The following PRKAR2B variants were observed in gnomAD, a reference collection of about 807,000 sequenced individuals.
PRKAR2B encodes the protein protein kinase cAMP-dependent type II regulatory subunit beta, also known as cAMP-dependent protein kinase type II-beta regulatory subunit.
Under a neutral mutation model 49.9 loss-of-function variants are expected in PRKAR2B, and 14 were observed. The ratio of observed to expected loss-of-function variants is 0.28; its 90% CI spans 0.19 to 0.44. The LOEUF is 0.44. PRKAR2B is among the 20% of genes least tolerant of loss of function. The pLI is 1.00. For synonymous variants in PRKAR2B, 196 were observed against 197.7 expected (o/e 0.99, Z 0.07); for missense variants, 393 against 537.9 (o/e 0.73, Z 2.67).
chr7:107,092,757 G>T (rs1263298274), intron 2 of PRKAR2B, among the ~76,000 whole-genome samples: 1 of 151,842 alleles, frequency 6.6e-6, no homozygotes, highest in Non-Finnish European at 1.5e-5. Flanking sequence ...CCATTCTTAG[G>T]TGTATGGTTC....
chr7:107,050,135 A>G (rs929645579), intron 1 of PRKAR2B, among the ~76,000 whole-genome samples: 4 of 152,130 alleles, frequency 2.6e-5, no homozygotes, highest in Admixed American at 2.0e-4. Context: ...AGAGGGAGAA[A>G]GATAATGAAG....
At chr7:107,061,162 T>C (rs979858610) in intron 1 of PRKAR2B, among the ~76,000 whole-genome samples, 8 of 152,184 alleles carry the variant, frequency 5.3e-5, no homozygotes, top group Non-Finnish European at 1.0e-4. Flanking sequence ...GGTCTTGATA[T>C]ATGGTATGGT....
intron 7 of PRKAR2B, among the ~76,000 whole-genome samples, chr7:107,152,495 G>A (rs1034796564): frequency 2.6e-5 from 4 of 152,174 alleles, no homozygotes; most frequent in African/African-American, 9.7e-5. Flanking sequence ...TGAAGGTAGA[G>A]ACTTATGAGA....
At chr7:107,137,807 T>C (rs1441086826) in intron 4 of PRKAR2B, among the ~76,000 whole-genome samples, 1 of 151,108 alleles carries the variant, frequency 6.6e-6, no homozygotes, top group Non-Finnish European at 1.5e-5. Context: ...TTCAGAGAAG[T>C]TGAGTAACTT....
chr7:107,146,534 C>T, intron 6 of PRKAR2B, 73 bp downstream of exon 6: 26 of 1,472,628 alleles, frequency 1.8e-5, no homozygotes, highest in South Asian at 3.7e-5. Flanking sequence ...CAAATTGCCG[C>T]ATGTAGTATT....
intron 2 of PRKAR2B, among the ~76,000 whole-genome samples, chr7:107,109,030 A>T (rs2116822114): frequency 6.6e-6 from 1 of 152,310 alleles, no homozygotes; most frequent in Admixed American, 6.5e-5. Flanking sequence ...AGCTATATTT[A>T]TACCCACTTT....
At chr7:107,063,819 T>G (rs1227476615) in intron 1 of PRKAR2B, among the ~76,000 whole-genome samples, 2 of 152,324 alleles carry the variant, frequency 1.3e-5, no homozygotes, top group Non-Finnish European at 2.9e-5. Context: ...CTGGAGCTGT[T>G]TTGTTGTGAC....
chr7:107,057,424 T>C (rs1265413958), intron 1 of PRKAR2B, among the ~76,000 whole-genome samples: 1 of 152,164 alleles, frequency 6.6e-6, no homozygotes, highest in Non-Finnish European at 1.5e-5. Context: ...CCTTTTCCTT[T>C]GCCTCATACT....
At chr7:107,119,001 A>C (rs544300986) in intron 2 of PRKAR2B, among the ~76,000 whole-genome samples, 12 of 152,204 alleles carry the variant, frequency 7.9e-5, no homozygotes, top group Non-Finnish European at 1.6e-4. Flanking sequence ...GAAACAGACA[A>C]ACACACTATG....
chr7:107,116,689 A>G (rs375316842), intron 2 of PRKAR2B, among the ~76,000 whole-genome samples: 6 of 152,002 alleles, frequency 3.9e-5, no homozygotes, highest in African/African-American at 7.2e-5. Context: ...GTGAACTTCT[A>G]TATTTTGGGC....
chr7:107,151,093 C>T, intron 7 of PRKAR2B, 70 bp downstream of exon 7: 1 of 886,260 alleles, frequency 1.1e-6, no homozygotes, highest in Non-Finnish European at 1.6e-6. Flanking sequence ...ATATTTAGTT[C>T]TATAGAAAAA....
intron 3 of PRKAR2B, among the ~76,000 whole-genome samples, chr7:107,122,626 C>A (rs567508607): frequency 2.4e-4 from 36 of 152,148 alleles, no homozygotes; most frequent in African/African-American, 8.2e-4. Context: ...ACCCTCCCCC[C>A]CTTTTTTTGA....
At chr7:107,053,784 A>G (rs750998135) in intron 1 of PRKAR2B, among the ~76,000 whole-genome samples, 3 of 152,310 alleles carry the variant, frequency 2.0e-5, no homozygotes, top group East Asian at 1.9e-4. Context: ...GATGGGACAA[A>G]GAGAATCGTA....
At chr7:107,145,589 G>T (rs1401825281) in intron 5 of PRKAR2B, among the ~76,000 whole-genome samples, 2 of 151,736 alleles carry the variant, frequency 1.3e-5, no homozygotes, top group East Asian at 1.9e-4. Flanking sequence ...TTTTTTTAAG[G>T]TTAATTTTTT....
intron 4 of PRKAR2B, among the ~76,000 whole-genome samples, chr7:107,138,381 TC>T (rs1389850435): frequency 1.3e-5 from 2 of 152,218 alleles, no homozygotes; most frequent in Admixed American, 6.5e-5. Context: ...TGATTAATGT[TC>T]CTATGAGCTT....
chr7:107,141,023 G>A (rs1795782026), intron 5 of PRKAR2B, 70 bp downstream of exon 5: 9 of 1,100,108 alleles, frequency 8.2e-6, no homozygotes, highest in South Asian at 6.7e-5. Flanking sequence ...CATTATTACG[G>A]CAACTGACAG....
chr7:107,068,567 CTG>C (rs905821923), intron 1 of PRKAR2B: 7 of 152,004 alleles, frequency 4.6e-5, no homozygotes, highest in African/African-American at 1.7e-4. Flanking sequence ...TAATTTGTGA[CTG>C]TGCAAGTATA....
intron 4 of PRKAR2B, among the ~76,000 whole-genome samples, chr7:107,138,738 C>T (rs1252845060): frequency 1.3e-5 from 2 of 152,052 alleles, no homozygotes; most frequent in Non-Finnish European, 2.9e-5. Flanking sequence ...GGCTGGAGCG[C>T]AGTGGTGCGA....
intron 1 of PRKAR2B, among the ~76,000 whole-genome samples, chr7:107,065,724 G>T (rs1474787801): frequency 6.6e-6 from 1 of 152,162 alleles, no homozygotes; most frequent in African/African-American, 2.4e-5. Flanking sequence ...CTGTTTCCTT[G>T]CAGAGTTTAT....
Sources: allele counts gnomAD v4.1 joint callset (sites outside exome capture counted in the v4.1 genomes callset), GRCh38; gene constraint gnomAD v4.1.1; transcripts MANE v1.5; gene names NCBI Gene and HGNC (gene_info 2026-07-23, HGNC 2026-07-21).